The following DLG2 variants were observed in gnomAD, a reference collection of about 807,000 sequenced individuals.
DLG2 encodes the protein discs large MAGUK scaffold protein 2.
In DLG2, 45 loss-of-function variants were observed where a neutral mutation model predicts 132.5. The ratio of observed to expected loss-of-function variants is 0.34; its 90% CI spans 0.27 to 0.44. The LOEUF (loss-of-function observed/expected upper bound fraction) is 0.44. DLG2 is among the 20% of genes least tolerant of loss of function. The pLI is 1.00. For synonymous variants in DLG2, 424 were observed against 419.6 expected (o/e 1.01, Z -0.13); for missense variants, 1,045 against 1,196.9 (o/e 0.87, Z 1.87).
chr11:85,173,140 CA>C (rs1370353079), intron 4 of DLG2, among the ~76,000 whole-genome samples: 1 of 152,046 alleles, frequency 6.6e-6, no homozygotes, highest in Non-Finnish European at 1.5e-5. Flanking sequence ...AGATACCCAA[CA>C]AGAAGATAAT....
chr11:84,707,940 A>T (rs1422807985), intron 6 of DLG2, among the ~76,000 whole-genome samples: 2 of 151,900 alleles, frequency 1.3e-5, no homozygotes, highest in African/African-American at 2.4e-5. Flanking sequence ...AAAGAGGGAC[A>T]AACAAGAAAA....
intron 19 of DLG2, among the ~76,000 whole-genome samples, chr11:83,580,805 C>T (rs1386813655): frequency 7.3e-6 from 1 of 137,142 alleles, no homozygotes; most frequent in African/African-American, 2.8e-5. Context: ...CCCTCCCTCC[C>T]CTGCCCCGCC....
At chr11:85,449,984 G>A (rs1421278564) in intron 3 of DLG2, among the ~76,000 whole-genome samples, 9 of 151,884 alleles carry the variant, frequency 5.9e-5, no homozygotes, top group South Asian at 2.1e-4. Context: ...AAAATTAGCC[G>A]GGCATGATGG....
intron 4 of DLG2, among the ~76,000 whole-genome samples, chr11:85,269,469 G>A (rs2077396687): frequency 1.3e-5 from 2 of 152,184 alleles, no homozygotes; most frequent in Admixed American, 1.3e-4. Flanking sequence ...CCAAGGGGCA[G>A]AAAAATTAAG....
chr11:83,702,200 C>G (rs1017805882), intron 18 of DLG2, among the ~76,000 whole-genome samples: 7 of 152,062 alleles, frequency 4.6e-5, no homozygotes, highest in Non-Finnish European at 8.8e-5. Context: ...AGGTAGTTCA[C>G]TTCTGTACAA....
chr11:83,753,839 TATATCATATATATCATATATATATTTC>T (rs2093489389), intron 18 of DLG2, among the ~76,000 whole-genome samples: 2 of 11,128 alleles, frequency 1.8e-4, no homozygotes, highest in Non-Finnish European at 2.8e-4. Context: ...ATATATGATA[TATATCATATATATCATATATATATTTC>T]ATATATATGA....
At chr11:83,490,481 C>CT (rs1262265299) in intron 21 of DLG2, among the ~76,000 whole-genome samples, 2 of 151,910 alleles carry the variant, frequency 1.3e-5, no homozygotes, top group Non-Finnish European at 2.9e-5. Context: ...GTAATCATCA[C>CT]TATAATAGTC....
At chr11:85,579,566 A>G (rs2078379183) in intron 3 of DLG2, among the ~76,000 whole-genome samples, 1 of 152,192 alleles carries the variant, frequency 6.6e-6, no homozygotes, top group African/African-American at 2.4e-5. Context: ...GGAGGTCTCT[A>G]TAACCTTGAT....
intron 18 of DLG2, among the ~76,000 whole-genome samples, chr11:83,662,423 T>G (rs111731796): frequency 0.016 from 2,394 of 152,276 alleles, 64 homozygotes; most frequent in African/African-American, 0.053. Context: ...ATTTACCTTG[T>G]CAGAAATCTC....
At chr11:83,706,520 AAAG>A (rs559286045) in intron 18 of DLG2, among the ~76,000 whole-genome samples, 71 of 152,328 alleles carry the variant, frequency 4.7e-4, no homozygotes, top group African/African-American at 1.4e-3. Context: ...AGCTTGAATC[AAAG>A]GTTTGCAGTA....
intron 7 of DLG2, among the ~76,000 whole-genome samples, chr11:84,453,771 G>T (rs369442967): frequency 1.3e-5 from 2 of 151,716 alleles, no homozygotes; most frequent in Non-Finnish European, 3.0e-5. Flanking sequence ...GGCACATTCC[G>T]CATGCAAGCC....
At chr11:83,664,788 A>G (rs1174373639) in intron 18 of DLG2, among the ~76,000 whole-genome samples, 1 of 152,178 alleles carries the variant, frequency 6.6e-6, no homozygotes, top group Non-Finnish European at 1.5e-5. Flanking sequence ...TGTGCTTCCT[A>G]AAGATTCCAA....
intron 9 of DLG2, among the ~76,000 whole-genome samples, chr11:84,158,699 G>A (rs1252772773): frequency 1.3e-5 from 2 of 152,096 alleles, no homozygotes; most frequent in East Asian, 1.9e-4. Context: ...GTAAATGCAC[G>A]TGGCAAATAC....
intron 3 of DLG2, among the ~76,000 whole-genome samples, chr11:85,488,561 C>T (rs1241057200): frequency 6.6e-6 from 1 of 152,144 alleles, no homozygotes; most frequent in Non-Finnish European, 1.5e-5. Flanking sequence ...CGGACCAATA[C>T]ACTGTCTAAA....
At chr11:85,215,530 C>T (rs1241689954) in intron 4 of DLG2, among the ~76,000 whole-genome samples, 2 of 152,116 alleles carry the variant, frequency 1.3e-5, no homozygotes, top group Non-Finnish European at 2.9e-5. Flanking sequence ...CTGCCCTCAC[C>T]TTTTCTACAA....
intron 3 of DLG2, among the ~76,000 whole-genome samples, chr11:85,511,236 A>T (rs1188247937): frequency 6.6e-6 from 1 of 151,980 alleles, no homozygotes; most frequent in Non-Finnish European, 1.5e-5. Context: ...GTGGGGGAAG[A>T]GGGAAGGGAT....
chr11:84,543,185 G>A (rs1019891629), intron 6 of DLG2, among the ~76,000 whole-genome samples: 3 of 152,144 alleles, frequency 2.0e-5, no homozygotes, highest in South Asian at 2.1e-4. Context: ...CCTGACTGGA[G>A]CACAGTTTTA....
At chr11:84,025,252 G>A (rs936467308) in intron 11 of DLG2, among the ~76,000 whole-genome samples, 2 of 152,124 alleles carry the variant, frequency 1.3e-5, no homozygotes, top group Admixed American at 1.3e-4. Flanking sequence ...GCAAGGAGGA[G>A]CAAGTCACAT....
At chr11:85,272,935 T>C (rs2077634662) in intron 4 of DLG2, among the ~76,000 whole-genome samples, 1 of 152,056 alleles carries the variant, frequency 6.6e-6, no homozygotes, top group Non-Finnish European at 1.5e-5. Context: ...AACAGAGCCC[T>C]CAGAAATAAC....
Sources: allele counts gnomAD v4.1 joint callset (sites outside exome capture counted in the v4.1 genomes callset), GRCh38; gene constraint gnomAD v4.1.1; transcripts MANE v1.5; gene names NCBI Gene and HGNC (gene_info 2026-07-23, HGNC 2026-07-21).